Variants in PASD1 observed in about 807,000 individuals in gnomAD.
PASD1 encodes PAS domain containing repressor 1, also known as circadian clock protein PASD1.
A neutral mutation model predicts 58.8 loss-of-function variants in PASD1; 13 were observed. The ratio of observed to expected loss-of-function variants is 0.22; its 90% CI spans 0.14 to 0.35. The LOEUF is 0.35. PASD1 is among the 10% of genes least tolerant of loss of function. The pLI, the probability that PASD1 is intolerant of heterozygous loss-of-function variation, is 1.00. For missense variants in PASD1, 734 were observed against 568.3 expected (o/e 1.29, Z -2.96); for synonymous variants, 236 against 216.7 (o/e 1.09, Z -0.78).
At chrX:151,601,186 A>G (rs1344586734) in intron 1 of PASD1, among the ~76,000 whole-genome samples, 1 of 112,561 alleles carries the variant, frequency 8.9e-6, no homozygotes, top group Non-Finnish European at 1.9e-5. Flanking sequence ...TATGGAATTA[A>G]AACACAAATT....
chrX:151,617,316 C>T (rs1196725032), intron 4 of PASD1, among the ~76,000 whole-genome samples: 2 of 111,016 alleles, frequency 1.8e-5, no homozygotes. Flanking sequence ...TTTCAATTAG[C>T]GGTTAATTAT....
intron 1 of PASD1, among the ~76,000 whole-genome samples, chrX:151,593,206 T>A (rs1270559569): frequency 9.0e-6 from 1 of 111,112 alleles, no homozygotes; most frequent in Non-Finnish European, 1.9e-5. Context: ...TTTATCCCAC[T>A]TTTTTGTAGT....
intron 11 of PASD1, among the ~76,000 whole-genome samples, chrX:151,670,273 T>C (rs1470751091): frequency 8.9e-6 from 1 of 111,872 alleles, no homozygotes; most frequent in East Asian, 2.8e-4. Flanking sequence ...TGATAAGATC[T>C]GGGTTGTAGA....
intron 11 of PASD1, among the ~76,000 whole-genome samples, chrX:151,669,443 A>G (rs1452457404): frequency 9.1e-6 from 1 of 110,447 alleles, no homozygotes; most frequent in Non-Finnish European, 1.9e-5. Context: ...AAAATATACA[A>G]TAGATTGTTT....
At chrX:151,607,832 C>T (rs1375561087) in intron 3 of PASD1, among the ~76,000 whole-genome samples, 2 of 111,799 alleles carry the variant, frequency 1.8e-5, no homozygotes, top group Non-Finnish European at 3.8e-5. Flanking sequence ...TACTGAAGCA[C>T]CTAGTGCTGG....
chrX:151,619,301 G>A (rs752418579), intron 4 of PASD1, among the ~76,000 whole-genome samples: 2 of 111,702 alleles, frequency 1.8e-5, no homozygotes, highest in Non-Finnish European at 3.8e-5. Context: ...AACATATTTT[G>A]TCAAAGAAAA....
intron 9 of PASD1, among the ~76,000 whole-genome samples, chrX:151,650,669 T>C (rs2014117858): frequency 8.9e-6 from 1 of 111,919 alleles, no homozygotes; most frequent in African/African-American, 3.2e-5. Context: ...CTTGCCTACC[T>C]GAAACGGGCA....
At chrX:151,577,014 C>A (rs1291452232) in intron 1 of PASD1, among the ~76,000 whole-genome samples, 1 of 111,662 alleles carries the variant, frequency 9.0e-6, no homozygotes, top group Non-Finnish European at 1.9e-5. Flanking sequence ...CTCGTCAATT[C>A]TGTAAATATA....
intron 13 of PASD1, 75 bp from the exon 14 acceptor site, chrX:151,672,108 A>G: frequency 9.0e-7 from 1 of 1,107,056 alleles, no homozygotes; most frequent in Non-Finnish European, 1.2e-6. Flanking sequence ...CGAGAATTGA[A>G]TGGGAGTGTT....
At chrX:151,652,532 C>CAA (rs68106404) in intron 9 of PASD1, among the ~76,000 whole-genome samples, 14 of 69,171 alleles carry the variant, frequency 2.0e-4, no homozygotes, top group African/African-American at 4.9e-4. Context: ...GACTCCGTCT[C>CAA]AAAAAAAAAA....
intron 1 of PASD1, among the ~76,000 whole-genome samples, chrX:151,588,722 A>T (rs188416488): frequency 2.2e-4 from 25 of 112,164 alleles, no homozygotes; most frequent in Non-Finnish European, 4.1e-4. Context: ...ACCTCTTCAG[A>T]TGTGGAAGAG....
chrX:151,642,066 A>G (rs2014005197), intron 8 of PASD1, among the ~76,000 whole-genome samples: 1 of 112,460 alleles, frequency 8.9e-6, no homozygotes, highest in African/African-American at 3.2e-5. Flanking sequence ...GCAGTCACTC[A>G]GGAAGTTTCC....
intron 7 of PASD1, among the ~76,000 whole-genome samples, chrX:151,625,164 AT>A (rs775458999): frequency 9.0e-6 from 1 of 111,701 alleles, no homozygotes; most frequent in East Asian, 2.8e-4. Flanking sequence ...TTGGAGGAAG[AT>A]TTTTTTCACA....
intron 8 of PASD1, among the ~76,000 whole-genome samples, chrX:151,636,068 G>T (rs990532332): frequency 1.8e-5 from 2 of 110,420 alleles, no homozygotes; most frequent in African/African-American, 6.6e-5. Flanking sequence ...AGCCTTCTTT[G>T]TGCCCCTTCT....
intron 1 of PASD1, among the ~76,000 whole-genome samples, chrX:151,574,604 C>T (rs367603787): frequency 9.0e-6 from 1 of 111,546 alleles, no homozygotes; most frequent in Admixed American, 9.5e-5. Flanking sequence ...ACCTTTACAC[C>T]CAGTAGATGC....
chrX:151,659,569 T>C (rs1162819916), intron 9 of PASD1, 144 bp from the exon 10 acceptor site: 2 of 535,720 alleles, frequency 3.7e-6, no homozygotes, highest in Admixed American at 8.4e-5. Flanking sequence ...TATTTGATGA[T>C]GATTTTTGTT....
chrX:151,584,555 T>G (rs1038712502), intron 1 of PASD1, among the ~76,000 whole-genome samples: 1 of 111,945 alleles, frequency 8.9e-6, no homozygotes, highest in African/African-American at 3.2e-5. Flanking sequence ...TGATGAACTT[T>G]CCTTTGCCTG....
rs17319678 is a variant in PASD1, at chrX:151,672,672, C to G, written c.1916+11C>G. 132,599 of 1,206,324 alleles carry G rather than the reference C, an allele frequency of 0.11. 5,283 individuals carry two copies. The highest frequency in any genetic ancestry group is 0.21 in the Middle Eastern group (892 of 4,282). On this transcript the variant is annotated intron_variant, in intron 14 of 15. Coordinates refer to ENST00000370357, the MANE Select transcript of PASD1 (RefSeq NM_173493.3). ...AGATGAGAGTCAAAGGTAAGACATG[C>G]ATGGAATGGTGATAGTGGCTATGAT...
chrX:151,652,562 CA>C (rs373106588), intron 9 of PASD1, among the ~76,000 whole-genome samples: 7 of 101,522 alleles, frequency 6.9e-5, no homozygotes, highest in Non-Finnish European at 1.4e-4. Flanking sequence ...AACAAACAAA[CA>C]AAAAAAACTC....
Sources: gnomAD v4.1 joint callset for allele counts (sites outside exome capture counted in the v4.1 genomes callset) on GRCh38, gnomAD v4.1.1 for gene constraint, MANE v1.5 for transcripts, NCBI Gene and HGNC (gene_info 2026-07-23, HGNC 2026-07-21) for gene names.